SEC16B: variants seen among roughly 807,000 people sequenced by gnomAD.
SEC16B encodes the protein SEC16 homolog B, endoplasmic reticulum export factor.
SEC16B carries 115 observed loss-of-function variants against 141.8 expected under a neutral mutation model. The observed-to-expected ratio is 0.81, with a 90% CI of 0.70 to 0.95. SEC16B has a LOEUF of 0.95. SEC16B is among the 40% of genes least tolerant of loss of function. SEC16B has a pLI of 0.00. For synonymous variants in SEC16B, 493 were observed against 492.5 expected (o/e 1.00, Z -0.01); for missense variants, 1,291 against 1,312.3 (o/e 0.98, Z 0.25).
intron 3 of SEC16B, 72 bp downstream of exon 3, chr1:177,965,821 G>T: frequency 2.2e-6 from 2 of 908,566 alleles, no homozygotes; most frequent in Non-Finnish European, 3.4e-6. Context: ...GGCTCCTTTG[G>T]TCTCTCCCCT....
At chr1:177,974,834 G>C (rs1000476981), upstream of SEC16B, among the ~76,000 whole-genome samples, 2 of 152,196 alleles carry the variant, frequency 1.3e-5, no homozygotes, top group Admixed American at 1.3e-4. Context: ...CATATGAAGA[G>C]ACTGGAAATA....
chr1:177,956,260 C>A (rs55855103), intron 10 of SEC16B, among the ~76,000 whole-genome samples: 28,715 of 152,006 alleles, frequency 0.19, 2,838 homozygotes, highest in Middle Eastern at 0.22. Flanking sequence ...ACTATAAGGG[C>A]AGACCTGAGT....
chr1:177,944,102 C>T (rs548939332), intron 15 of SEC16B, among the ~76,000 whole-genome samples: 3 of 152,228 alleles, frequency 2.0e-5, no homozygotes, highest in African/African-American at 4.8e-5. Flanking sequence ...AGGGTGAGGG[C>T]GGAGGTAGAG....
At chr1:177,960,448 C>G (rs1359058603) in intron 7 of SEC16B, 45 bp from the exon 8 acceptor site, 1 of 1,349,122 alleles carries the variant, frequency 7.4e-7, no homozygotes, top group Admixed American at 1.9e-5. Flanking sequence ...TGTGGCCACC[C>G]TAGGCCCCTT....
intron 1 of SEC16B, among the ~76,000 whole-genome samples, chr1:177,979,353 A>G (rs952649604): frequency 6.6e-6 from 1 of 152,162 alleles, no homozygotes; most frequent in Non-Finnish European, 1.5e-5. Context: ...GGTTCATACT[A>G]TTTTGCAGGT....
intron 8 of SEC16B, 81 bp downstream of exon 8, chr1:177,960,261 A>C: frequency 1.1e-6 from 1 of 924,488 alleles, no homozygotes; most frequent in East Asian, 2.6e-5. Flanking sequence ...AACCAAGAAC[A>C]AATCTCCAAA....
At chr1:177,936,144 G>C (rs959548902) in intron 20 of SEC16B, among the ~76,000 whole-genome samples, 154 bp downstream of exon 20, 2 of 152,202 alleles carry the variant, frequency 1.3e-5, no homozygotes, top group African/African-American at 4.8e-5. Flanking sequence ...CCAGCTCCCA[G>C]GAGTTGGAAT....
Position 177,929,673 on chromosome 1 carries a change from A to C in SEC16B, c.*185T>G. ...TTCCATCATTGTGAAGCTAATCTTA[A>C]GAGACTGAATTGTGCTGTGTCTTGA... On this transcript the variant is annotated 3_prime_UTR_variant, in exon 26 of 26. Transcript: ENST00000308284. 1.6e-6 allele frequency: 1 copy of C among 616,634 alleles called. No homozygotes were observed. Among genetic ancestry groups the C allele is most frequent in the African/African-American group, 1.8e-5 (1 of 54,114 alleles). 38.2% of individuals were successfully genotyped at this position (616,634 alleles called of 1,614,324 possible). A position where few individuals can be genotyped will look rare whatever the true frequency, so the allele number is the denominator to read the frequency against.
At position 177,932,545 on chromosome 1, in the gene SEC16B, G is replaced by A; in HGVS notation, c.2957C>T (p.Ala986Val). The A allele has an allele frequency of 6.4e-7, 1 of 1,562,018 alleles. No individual in the cohort carries two copies. Among genetic ancestry groups the A allele is most frequent in the Non-Finnish European group, 8.7e-7 (1 of 1,153,732 alleles). Residue 986 changes from alanine to valine, a missense_variant, in exon 24 of 26, where the codon GCA becomes GTA. Physicochemically the swap from Ala to Val is moderately conservative, Grantham distance 64. Transcript: ENST00000308284. The part of the protein sequence containing the change: ...GRGGGEGRGS[A>V]SSGGAAAGAG... ...GCCCGCAGCTGCTCCCCCGCTGGAT[G>A]CGGATCCTCGGCCTTCACCCCCACC... is the stretch of plus-strand genomic sequence containing the variant.
chr1:177,950,876 G>A (rs1652133147), intron 12 of SEC16B, among the ~76,000 whole-genome samples: 1 of 147,908 alleles, frequency 6.8e-6, no homozygotes, highest in Admixed American at 6.9e-5. Context: ...AAGGAGGGAA[G>A]GAAGGAAGGA....
chr1:177,960,648 A>G, intron 7 of SEC16B, 143 bp downstream of exon 7: 1 of 881,952 alleles, frequency 1.1e-6, no homozygotes, highest in Non-Finnish European at 1.7e-6. Flanking sequence ...CTCCTAATCC[A>G]GGGGGTACAT....
rs551797805 is a variant in SEC16B, at chr1:177,960,684, C to T, written c.936+107G>A. Reference sequence around the variant, plus strand: ...GGCCCAGTTTCCCGCAAGAGCATCCCATTCCTGGAGATGCCCCGGCTCAGG... The same window carrying T: ...GGCCCAGTTTCCCGCAAGAGCATCCTATTCCTGGAGATGCCCCGGCTCAGG... On this transcript the variant is annotated intron_variant, in intron 7 of 25. Transcript: ENST00000308284. 7.9e-6 allele frequency: 10 copies of T among 1,268,178 alleles called. 1 individual carries two copies. In the South Asian group the frequency reaches 1.4e-4, roughly 17 times the overall value. The allele number at this position is 1,268,178 out of a possible 1,614,324, so 78.6% of individuals were successfully genotyped here. A position where few individuals can be genotyped will look rare whatever the true frequency, so the allele number is the denominator to read the frequency against.
chr1:177,931,581 AAAT>A (rs1158150222), intron 24 of SEC16B, among the ~76,000 whole-genome samples: 2 of 152,204 alleles, frequency 1.3e-5, no homozygotes, highest in Admixed American at 6.5e-5. Context: ...AAAGCTACTG[AAAT>A]GTTTTCAAAG....
chr1:177,980,455 G>C (rs2102030865), intron 1 of SEC16B, among the ~76,000 whole-genome samples: 1 of 152,198 alleles, frequency 6.6e-6, no homozygotes, highest in East Asian at 1.9e-4. Context: ...TATATGGAAG[G>C]AACCCAAAAC....
chr1:177,958,444 G>C, intron 9 of SEC16B, 82 bp from the exon 10 acceptor site: 1 of 1,175,440 alleles, frequency 8.5e-7, no homozygotes, highest in South Asian at 1.8e-5. Context: ...AAGGCACCAG[G>C]GAGCCTGCCT....
chr1:177,934,760 C>A (rs1252571776), intron 20 of SEC16B, among the ~76,000 whole-genome samples: 1 of 152,026 alleles, frequency 6.6e-6, no homozygotes, highest in Non-Finnish European at 1.5e-5. Context: ...AAGACATAGA[C>A]AAGGGCTTAT....
chr1:177,965,350 C>T (rs1297963441), intron 3 of SEC16B, among the ~76,000 whole-genome samples, 183 bp from the exon 4 acceptor site: 1 of 151,878 alleles, frequency 6.6e-6, no homozygotes, highest in African/African-American at 2.4e-5. Context: ...CTCTCAGTCC[C>T]CTCTGAACTA....
At chr1:177,962,350 G>A (rs543083867) in intron 5 of SEC16B, among the ~76,000 whole-genome samples, 101 of 152,022 alleles carry the variant, frequency 6.6e-4, no homozygotes, top group African/African-American at 2.3e-3. Context: ...GATTACAGGC[G>A]TGAGCCACCA....
At chr1:177,958,694 T>G in intron 9 of SEC16B, 146 bp downstream of exon 9, 1 of 1,020,292 alleles carries the variant, frequency 9.8e-7, no homozygotes, top group Non-Finnish European at 1.4e-6. Flanking sequence ...AAACTCGCAT[T>G]GACATTTGAG....
Sources: gnomAD v4.1 joint callset for allele counts (sites outside exome capture counted in the v4.1 genomes callset) on GRCh38, gnomAD v4.1.1 for gene constraint, MANE v1.5 for transcripts, NCBI Gene and HGNC (gene_info 2026-07-23, HGNC 2026-07-21) for gene names.